RGS12: variants seen among roughly 807,000 people sequenced by gnomAD.
The protein encoded by RGS12 is regulator of G protein signaling 12, also known as regulator of G-protein signaling 12.
RGS12 carries 66 observed loss-of-function variants against 120.1 expected under a neutral mutation model. The ratio of observed to expected loss-of-function variants is 0.55; its 90% CI spans 0.45 to 0.67. The LOEUF is 0.67. Ranked by LOEUF, RGS12 falls within the 30% of genes least tolerant of loss-of-function variation. The pLI, the probability that RGS12 is intolerant of heterozygous loss-of-function variation, is 0.00. For synonymous variants in RGS12, 827 were observed against 804.7 expected (o/e 1.03, Z -0.47); for missense variants, 1,859 against 1,957.7 (o/e 0.95, Z 0.95).
At chr4:3,362,707 G>A (rs1457018036) in intron 3 of RGS12, among the ~76,000 whole-genome samples, 1 of 145,866 alleles carries the variant, frequency 6.9e-6, no homozygotes, top group Non-Finnish European at 1.5e-5. Flanking sequence ...GTGTGTGTGA[G>A]GCTGTGTGAG....
upstream of RGS12, among the ~76,000 whole-genome samples, chr4:3,289,070 CT>C (rs796871207): frequency 1.1e-4 from 17 of 152,204 alleles, no homozygotes; most frequent in Non-Finnish European, 2.2e-4. Flanking sequence ...CCACCTCCCC[CT>C]ATCAGCCTCC....
intron 1 of RGS12, among the ~76,000 whole-genome samples, chr4:3,298,940 A>G (rs1250704151): frequency 6.6e-6 from 1 of 152,138 alleles, no homozygotes; most frequent in Non-Finnish European, 1.5e-5. Flanking sequence ...GCTAATTTCA[A>G]CACCTGCATT....
rs748744212 is a variant in RGS12, at chr4:3,317,040, C to T, written c.870C>T (p.Val290=). The change falls in exon 2 of 18, where the codon GTC becomes GTT. Residue 290 remains valine (V), a synonymous_variant. Coordinates refer to ENST00000336727, the MANE Select transcript of RGS12 (RefSeq NM_001394154.1). ...CVQLSTDKAG[V]VAEYPAEKLA... is the part of the protein sequence containing the mutation. ...AGCTGAGCACTGACAAGGCTGGAGT[C>T]GTGGCCGAGTACCCGGCCGAGAAGC... 36 of 1,613,532 alleles carry T rather than the reference C, an allele frequency of 2.2e-5. No individual in the cohort carries two copies. The Admixed American group carries it at 2.5e-4, about 11-fold the overall frequency.
At chr4:3,408,948 G>C (rs1721439759) in intron 4 of RGS12, among the ~76,000 whole-genome samples, 1 of 152,228 alleles carries the variant, frequency 6.6e-6, no homozygotes, top group African/African-American at 2.4e-5. Context: ...GCAGTGCTGG[G>C]AGCAATTGGC....
At chr4:3,382,181 A>C (rs1718329485) in intron 3 of RGS12, among the ~76,000 whole-genome samples, 1 of 152,222 alleles carries the variant, frequency 6.6e-6, no homozygotes, top group Admixed American at 6.5e-5. Context: ...ATTTGTGATT[A>C]TACCATGATA....
Position 3,433,229 on chromosome 4 carries a change from C to G in RGS12, c.4114+2274C>G. 6.6e-6 allele frequency among the ~76,000 whole-genome samples: 1 copy of G among 152,340 alleles called. No homozygotes were observed. The highest frequency in any genetic ancestry group is 3.4e-3 in the Middle Eastern group (1 of 294). On this transcript the variant is annotated intron_variant, in intron 17 of 17. Coordinates refer to ENST00000336727, the MANE Select transcript of RGS12 (RefSeq NM_001394154.1). The surrounding 1 kb of genome is among the most constrained non-coding windows in gnomAD (Gnocchi z 4.4). ...CGTTGACAGTTGCTGTGGGATGCTT[C>G]CTCACAATGTGGCAGCCGCCCTGGA... is the stretch of plus-strand genomic sequence containing the variant.
At chr4:3,344,237 C>T (rs1320535807) in intron 3 of RGS12, among the ~76,000 whole-genome samples, 2 of 152,120 alleles carry the variant, frequency 1.3e-5, no homozygotes, top group Non-Finnish European at 2.9e-5. Flanking sequence ...CCTTGGATGG[C>T]CTGTTTAGCT....
At position 3,430,927 on chromosome 4, in the gene RGS12, C is replaced by A. The variant is rs745646459; in HGVS notation, c.4086C>A (p.Pro1362=). Residue 1362 remains proline, a synonymous_variant, in exon 17 of 18, where the codon CCC becomes CCA. Transcript: ENST00000336727. ...NSTLLPPPST[P]QEVPGPSRPG... ...CCTTGCTGCCGCCGCCCTCCACCCCCCAGGAAGTGCCAGGACCTTCCAGAC... is the reference window on the plus strand; with the variant it reads ...CCTTGCTGCCGCCGCCCTCCACCCCACAGGAAGTGCCAGGACCTTCCAGAC... The A allele has an allele frequency of 8.7e-6, 14 of 1,612,632 alleles. No homozygotes were observed. Among genetic ancestry groups the A allele is most frequent in the Admixed American group, 5.0e-5 (3 of 59,994 alleles).
chr4:3,289,061 C>A (rs1722958592), upstream of RGS12, among the ~76,000 whole-genome samples: 1 of 152,180 alleles, frequency 6.6e-6, no homozygotes, highest in African/African-American at 2.4e-5. Context: ...TCCGAGGTCC[C>A]ACCTCCCCCT....
chr4:3,363,668 C>T (rs1292789187), intron 3 of RGS12, among the ~76,000 whole-genome samples: 2 of 151,782 alleles, frequency 1.3e-5, no homozygotes, highest in Non-Finnish European at 3.0e-5. Context: ...GGGAGTGAGG[C>T]GGCAGCGCGT....
At chr4:3,414,937 G>A in intron 6 of RGS12, 93 bp downstream of exon 6, 1 of 879,874 alleles carries the variant, frequency 1.1e-6, no homozygotes, top group Middle Eastern at 2.2e-4. Flanking sequence ...GTGTGTGAGG[G>A]GCATGTGAGG....
Position 3,313,803 on chromosome 4 carries a change from G to A in RGS12, c.-101-2267G>A, listed in dbSNP as rs540348620. Among the ~76,000 whole-genome samples the A allele has an allele frequency of 3.3e-5, 5 of 152,152 alleles. No individual in the cohort carries two copies. The South Asian group carries it at 1.0e-3, about 32-fold the overall frequency. On this transcript the variant is annotated intron_variant, in intron 1 of 17. Transcript: ENST00000336727. Reference sequence around the variant, plus strand: ...GCTCTGACCCCAGGCTCACACAGGCGCACCCCACACTCTCCCCATCTCTAG... The same window carrying A: ...GCTCTGACCCCAGGCTCACACAGGCACACCCCACACTCTCCCCATCTCTAG...
chr4:3,368,055 C>T (rs761290117), intron 3 of RGS12, among the ~76,000 whole-genome samples: 83 of 152,370 alleles, frequency 5.4e-4, no homozygotes, highest in South Asian at 1.7e-3. Flanking sequence ...AACCCCTCAG[C>T]AGAAGGCCCC....
intron 6 of RGS12, 37 bp downstream of exon 6, chr4:3,414,881 G>T (rs1722169738): frequency 2.7e-6 from 4 of 1,487,136 alleles, no homozygotes; most frequent in Non-Finnish European, 3.8e-6. Context: ...CTGTGTGAGA[G>T]TGGCGTGTGA....
At chr4:3,404,662 T>G (rs995834511) in intron 4 of RGS12, among the ~76,000 whole-genome samples, 12 of 152,188 alleles carry the variant, frequency 7.9e-5, no homozygotes, top group African/African-American at 2.7e-4. Flanking sequence ...ACCGATGGCT[T>G]TCAATAGAGG....
At chr4:3,287,584 G>A in the RGS12 span, among the ~76,000 whole-genome samples, 1 of 152,240 alleles carries the variant, frequency 6.6e-6, no homozygotes, top group Non-Finnish European at 1.5e-5. Context: ...GCCCGAGGAA[G>A]TTCTGTGTAG....
At chr4:3,383,536 G>T (rs1718485814) in intron 3 of RGS12, among the ~76,000 whole-genome samples, 1 of 151,924 alleles carries the variant, frequency 6.6e-6, no homozygotes, top group African/African-American at 2.4e-5. Context: ...AACCCAGGAG[G>T]ATTGAGGCTG....
upstream of RGS12, among the ~76,000 whole-genome samples, chr4:3,290,108 G>C (rs1005873429): frequency 3.3e-5 from 5 of 152,182 alleles, no homozygotes; most frequent in African/African-American, 1.2e-4. Flanking sequence ...GTGCCGTGCT[G>C]AGCCTGGGAG....
At chr4:3,337,128 C>T (rs1220920906) in intron 2 of RGS12, among the ~76,000 whole-genome samples, 1 of 152,124 alleles carries the variant, frequency 6.6e-6, no homozygotes, top group Non-Finnish European at 1.5e-5. Context: ...ATTAGGCCAG[C>T]GCCAACTAAA....
Sources: allele counts gnomAD v4.1 joint callset (sites outside exome capture counted in the v4.1 genomes callset), GRCh38; gene constraint gnomAD v4.1.1; non-coding constraint Gnocchi (gnomAD v3.1); transcripts MANE v1.5; gene names NCBI Gene and HGNC (gene_info 2026-07-23, HGNC 2026-07-21).